ERG: variants seen among roughly 807,000 people sequenced by gnomAD.
ERG encodes ETS transcription factor ERG.
In ERG, 9 loss-of-function variants were observed where a neutral mutation model predicts 55.3. The observed-to-expected ratio is 0.16, with a 90% CI of 0.10 to 0.28. The LOEUF is 0.28. ERG is among the 10% of genes least tolerant of loss of function. The probability of loss-of-function intolerance (pLI) is 1.00; values close to 1 mark genes in which losing one functional copy is unlikely to be tolerated. For synonymous variants in ERG, 223 were observed against 237.3 expected (o/e 0.94, Z 0.55); for missense variants, 434 against 631.6 (o/e 0.69, Z 3.35).
chr21:38,436,020 CTTTTTT>C (rs11384369), intron 2 of ERG, among the ~76,000 whole-genome samples: 2 of 133,334 alleles, frequency 1.5e-5, no homozygotes, highest in Admixed American at 7.9e-5. Context: ...TTCTTTTTTT[CTTTTTT>C]TTTTTTTTTT....
chr21:38,432,154 G>A (rs1223748668), intron 2 of ERG, among the ~76,000 whole-genome samples: 1 of 152,192 alleles, frequency 6.6e-6, no homozygotes, highest in East Asian at 1.9e-4. Flanking sequence ...GAGTACAGAG[G>A]TATGATTATA....
chr21:38,552,147 G>A (rs4817949), intron 2 of ERG, among the ~76,000 whole-genome samples: 5 of 152,034 alleles, frequency 3.3e-5, no homozygotes, highest in Admixed American at 2.6e-4. Flanking sequence ...AAATTGAAAC[G>A]CTGAACAGAC....
intron 1 of ERG, among the ~76,000 whole-genome samples, chr21:38,646,866 A>G (rs2060460121): frequency 6.6e-6 from 1 of 152,126 alleles, no homozygotes; most frequent in Non-Finnish European, 1.5e-5. Context: ...CAGCTGCTGC[A>G]CGTCAGTCCC....
chr21:38,416,979 T>C (rs953800991), intron 3 of ERG, among the ~76,000 whole-genome samples: 1 of 152,230 alleles, frequency 6.6e-6, no homozygotes, highest in Non-Finnish European at 1.5e-5. Context: ...TCTTGATTCG[T>C]CCTGTCATAG....
intron 9 of ERG, among the ~76,000 whole-genome samples, chr21:38,386,243 A>G (rs1028793770): frequency 1.3e-5 from 2 of 152,254 alleles, no homozygotes; most frequent in Admixed American, 6.5e-5. Flanking sequence ...CAGGACTGTG[A>G]GAATTTCAAG....
At chr21:38,421,631 G>T (rs1989545519) in intron 3 of ERG, among the ~76,000 whole-genome samples, 1 of 152,146 alleles carries the variant, frequency 6.6e-6, no homozygotes, top group Non-Finnish European at 1.5e-5. Context: ...AATTGAGTTT[G>T]TGCAGATTTC....
chr21:38,628,604 CTG>C (rs575472314), intron 1 of ERG, among the ~76,000 whole-genome samples: 124 of 152,346 alleles, frequency 8.1e-4, no homozygotes, highest in Non-Finnish European at 1.4e-3. Flanking sequence ...CTGGGGGAAA[CTG>C]TGAAGCACAA....
intron 1 of ERG, among the ~76,000 whole-genome samples, chr21:38,596,298 GTGAAGATCAC>G (rs1418358693): frequency 5.9e-5 from 9 of 152,206 alleles, no homozygotes; most frequent in African/African-American, 1.9e-4. Context: ...ACTGAGGCAT[GTGAAGATCAC>G]AGGTAGGGTA....
At chr21:38,558,535 T>C (rs1457654546) in intron 2 of ERG, among the ~76,000 whole-genome samples, 1 of 152,176 alleles carries the variant, frequency 6.6e-6, no homozygotes, top group Non-Finnish European at 1.5e-5. Context: ...AAACAAGAAA[T>C]AGTTTTCCAT....
At chr21:38,476,210 G>A (rs952286050) in intron 1 of ERG, among the ~76,000 whole-genome samples, 1 of 151,886 alleles carries the variant, frequency 6.6e-6, no homozygotes, top group African/African-American at 2.4e-5. Context: ...AAATCTGAAC[G>A]TAGTACGTTA....
intron 1 of ERG, among the ~76,000 whole-genome samples, chr21:38,615,337 G>A (rs2060252207): frequency 6.6e-6 from 1 of 152,102 alleles, no homozygotes; most frequent in Admixed American, 6.5e-5. Context: ...TGAATAAAAT[G>A]GTTATCTGAA....
At chr21:38,384,423 C>T (rs1987595638) in intron 9 of ERG, among the ~76,000 whole-genome samples, 1 of 152,176 alleles carries the variant, frequency 6.6e-6, no homozygotes, top group Non-Finnish European at 1.5e-5. Flanking sequence ...CAAGGGAACC[C>T]GACCTAGGAC....
At position 38,460,289 on chromosome 21, in the gene ERG, G is replaced by A. The variant is rs2059029672; in HGVS notation, c.19-14668C>T. ...GGGTGGTAGAGCCTTGCAGGCCATG[G>A]CAGGAACCTGGGTGTTGACTCAGAG... On this transcript the variant is annotated intron_variant, in intron 1 of 9. Transcript: ENST00000288319. The surrounding 1 kb of genome is among the most constrained non-coding windows in gnomAD (Gnocchi z 5.0). Among the ~76,000 whole-genome samples the A allele has an allele frequency of 6.6e-6, 1 of 152,176 alleles. No individual in the cohort carries two copies. The highest frequency in any genetic ancestry group is 6.5e-5 in the Admixed American group (1 of 15,286).
intron 2 of ERG, among the ~76,000 whole-genome samples, chr21:38,518,087 T>A (rs1008049007): frequency 1.1e-4 from 16 of 152,086 alleles, no homozygotes; most frequent in Admixed American, 4.6e-4. Context: ...ATAGTTCAAA[T>A]CAGCTAGAAA....
chr21:38,490,424 T>C (rs890686067), intron 1 of ERG, among the ~76,000 whole-genome samples: 1 of 152,220 alleles, frequency 6.6e-6, no homozygotes, highest in African/African-American at 2.4e-5. Context: ...ACTATAACCC[T>C]GTGAAGTAGG....
At chr21:38,553,379 A>T (rs986050824) in intron 2 of ERG, among the ~76,000 whole-genome samples, 1 of 152,198 alleles carries the variant, frequency 6.6e-6, no homozygotes, top group Non-Finnish European at 1.5e-5. Flanking sequence ...TAAATAGCCA[A>T]AGCAATTCTA....
At chr21:38,562,102 T>C (rs1179203119) in intron 2 of ERG, among the ~76,000 whole-genome samples, 1 of 152,222 alleles carries the variant, frequency 6.6e-6, no homozygotes, top group African/African-American at 2.4e-5. Context: ...CTCACTATTA[T>C]TTAGAACGAA....
chr21:38,474,492 G>T (rs1407055937), intron 1 of ERG, among the ~76,000 whole-genome samples: 1 of 152,170 alleles, frequency 6.6e-6, no homozygotes, highest in Non-Finnish European at 1.5e-5. Flanking sequence ...GCCAGCAGAG[G>T]TGCTGCACCA....
chr21:38,486,985 C>T (rs770516586), intron 1 of ERG, among the ~76,000 whole-genome samples: 26 of 152,124 alleles, frequency 1.7e-4, no homozygotes, highest in Non-Finnish European at 3.5e-4. Flanking sequence ...GATGAGGAAA[C>T]GAGGCACAGG....
Sources: allele counts gnomAD v4.1 joint callset (sites outside exome capture counted in the v4.1 genomes callset), GRCh38; gene constraint gnomAD v4.1.1; non-coding constraint Gnocchi (gnomAD v3.1); transcripts MANE v1.5; gene names NCBI Gene and HGNC (gene_info 2026-07-23, HGNC 2026-07-21).